The following PLAC8 variants were observed in gnomAD, a reference collection of about 807,000 sequenced individuals.
PLAC8 encodes placenta-specific gene 8 protein.
PLAC8 carries 6 observed loss-of-function variants against 12.6 expected under a neutral mutation model. That is an observed-to-expected ratio of 0.48 (90% CI 0.26 to 0.94). The LOEUF (loss-of-function observed/expected upper bound fraction) is 0.94. PLAC8 is among the 40% of genes least tolerant of loss of function. The pLI, the probability that PLAC8 is intolerant of heterozygous loss-of-function variation, is 0.14. For synonymous variants in PLAC8, 54 were observed against 52.6 expected (o/e 1.03, Z -0.11); for missense variants, 122 against 152.7 (o/e 0.80, Z 1.06).
At chr4:83,099,600 G>A (rs1004026467) in intron 3 of PLAC8, among the ~76,000 whole-genome samples, 1 of 152,130 alleles carries the variant, frequency 6.6e-6, no homozygotes, top group African/African-American at 2.4e-5. Context: ...CCCAATGTTG[G>A]AGGTGGGGCC....
At chr4:83,112,336 A>T (rs1436590156) in intron 1 of PLAC8, among the ~76,000 whole-genome samples, 1 of 151,986 alleles carries the variant, frequency 6.6e-6, no homozygotes, top group Non-Finnish European at 1.5e-5. Flanking sequence ...TTAGCCCAAC[A>T]GTCAACATTG....
rs573239331 is a variant in PLAC8 at position 83,112,787 on chromosome 4, T to G, written c.-30+1879A>C. On this transcript the variant is annotated intron_variant, in intron 1 of 4. Coordinates refer to ENST00000311507, the MANE Select transcript of PLAC8 (RefSeq NM_016619.3). Reference sequence around the variant, plus strand: ...GCAACAAATGTAAAACAGAAACAAATGTAAAATTGTTGCTTGTTCAAACAA... The same window carrying G: ...GCAACAAATGTAAAACAGAAACAAAGGTAAAATTGTTGCTTGTTCAAACAA... 8.9e-4 allele frequency among the ~76,000 whole-genome samples: 136 copies of G among 152,360 alleles called. 1 individual carries two copies. Among genetic ancestry groups the G allele is most frequent in the African/African-American group, 3.2e-3 (133 of 41,588 alleles).
At chr4:83,103,168 G>T (rs181453740) in intron 3 of PLAC8, among the ~76,000 whole-genome samples, 2 of 151,624 alleles carry the variant, frequency 1.3e-5, no homozygotes, top group Non-Finnish European at 2.9e-5. Flanking sequence ...AGGCCGAGGC[G>T]GGCGGATCAC....
intron 1 of PLAC8, among the ~76,000 whole-genome samples, chr4:83,114,308 C>T (rs756967084): frequency 5.9e-5 from 9 of 151,792 alleles, no homozygotes; most frequent in East Asian, 5.8e-4. Flanking sequence ...GAAATTAGAC[C>T]GGCATAAGTC....
chr4:83,094,757 CA>C lies in PLAC8; in HGVS notation c.277del (p.Cys93AlafsTer26). On this transcript the variant is annotated frameshift_variant, in exon 4 of 5. Coordinates refer to ENST00000311507, the MANE Select transcript of PLAC8 (RefSeq NM_016619.3). LOFTEE classifies it high-confidence loss of function. ...SICDDYMATL[C>X]CPHCTLCQIK... is the part of the protein sequence containing the mutation. ...TTGGCAAAGAGTACAATGAGGACAG[CA>C]AAGAGTTGCCATATAGTCATCACAA... The C allele has an allele frequency of 6.2e-7, 1 of 1,604,066 alleles. No individual in the cohort carries two copies. Among genetic ancestry groups the C allele is most frequent in the Non-Finnish European group, 8.5e-7 (1 of 1,176,764 alleles).
At position 83,104,912 on chromosome 4, in the gene PLAC8, G is replaced by A. The variant is rs1199529814; in HGVS notation, c.227C>T (p.Thr76Ile). 1 of 1,613,916 alleles carries A rather than the reference G, an allele frequency of 6.2e-7. No homozygotes were observed. Among genetic ancestry groups the A allele is most frequent in the Non-Finnish European group, 8.5e-7 (1 of 1,179,942 alleles). The change falls in exon 3 of 5, where the codon ACC (threonine) becomes ATC (isoleucine). Residue 76 changes from threonine to isoleucine, a missense_variant. Physicochemically the swap from Thr to Ile is moderately conservative, Grantham distance 89 (BLOSUM62 -1). Transcript: ENST00000311507. ...TSVAMRTLYR[T>I]RYGIPGSICD... ...GAGACTCACAGGGATGCCATATCGG[G>A]TCCTGTAGAGAGTCCTCATTGCGAC...
At chr4:83,108,352 G>GGAGGCC (rs1217183190) in intron 1 of PLAC8, among the ~76,000 whole-genome samples, 3 of 152,170 alleles carry the variant, frequency 2.0e-5, no homozygotes, top group Non-Finnish European at 4.4e-5. Flanking sequence ...CGGCACTTTG[G>GGAGGCC]GAGGCCGAGG....
intron 3 of PLAC8, 24 bp from the exon 4 acceptor site, chr4:83,094,815 A>G (rs758658635): frequency 2.2e-6 from 3 of 1,390,202 alleles, no homozygotes; most frequent in African/African-American, 2.9e-5. Flanking sequence ...AAAAAGAAAT[A>G]AAAATATAAA....
chr4:83,107,981 T>G, intron 1 of PLAC8, 31 bp from the exon 2 acceptor site: 2 of 127,862 alleles, frequency 1.6e-5, no homozygotes, highest in Non-Finnish European at 3.1e-5. Context: ...TAGAAATCTC[T>G]GTTGTGGGGT....
At position 83,090,668 on chromosome 4, in the gene PLAC8, G is replaced by A. The variant is rs1731788682; in HGVS notation, c.*313C>T. 1.3e-5 allele frequency: 2 copies of A among 151,202 alleles called. No homozygotes were observed. Among genetic ancestry groups the A allele is most frequent in the Admixed American group, 1.3e-4 (2 of 15,198 alleles). The allele number at this position is 151,202 out of a possible 1,614,324, so 9.4% of individuals were successfully genotyped here. A position where few individuals can be genotyped will look rare whatever the true frequency, so the allele number is the denominator to read the frequency against. On this transcript the variant is annotated 3_prime_UTR_variant, in exon 5 of 5. Coordinates refer to ENST00000311507, the MANE Select transcript of PLAC8 (RefSeq NM_016619.3). The stretch of plus-strand genomic sequence containing the variant: ...TAGTGAAAAAGACATTTTAAGGAGA[G>A]CAAAGAAGCATGAAGAATCTTATCA...
At chr4:83,107,210 C>CAAAAAAAAAAACAAAAAAAAAA (rs1732265501) in intron 2 of PLAC8, among the ~76,000 whole-genome samples, 1 of 108,422 alleles carries the variant, frequency 9.2e-6, no homozygotes, top group African/African-American at 3.9e-5. Context: ...CAAAAACAAA[C>CAAAAAAAAAAACAAAAAAAAAA]AAAAAAAAAA....
At position 83,095,893 on chromosome 4, in the gene PLAC8, G is replaced by A. The variant is rs17006482; in HGVS notation, c.244-1102C>T. 8.8e-3 allele frequency among the ~76,000 whole-genome samples: 1,343 copies of A among 152,284 alleles called. 24 individuals carry two copies. The highest frequency in any genetic ancestry group is 0.03 in the African/African-American group (1,258 of 41,556). On this transcript the variant is annotated intron_variant, in intron 3 of 4. Coordinates refer to ENST00000311507, the MANE Select transcript of PLAC8 (RefSeq NM_016619.3). Reference sequence around the variant, plus strand: ...GGCATTTACATTCCTGGCATTTAATGGACTTGAAACTGAACACAGTCACGG... The same window carrying A: ...GGCATTTACATTCCTGGCATTTAATAGACTTGAAACTGAACACAGTCACGG...
intron 1 of PLAC8, among the ~76,000 whole-genome samples, chr4:83,113,184 G>C (rs781097586): frequency 6.6e-6 from 1 of 152,202 alleles, no homozygotes; most frequent in Non-Finnish European, 1.5e-5. Flanking sequence ...ATAGGCTTTT[G>C]TCCTATGAAC....
At chr4:83,111,512 C>A (rs926185399) in intron 1 of PLAC8, among the ~76,000 whole-genome samples, 6 of 151,904 alleles carry the variant, frequency 3.9e-5, no homozygotes, top group African/African-American at 1.5e-4. Flanking sequence ...AAGGAGGGGG[C>A]AAGTCATACA....
chr4:83,109,930 A>AT (rs1041625800), intron 1 of PLAC8: 52 of 152,324 alleles, frequency 3.4e-4, no homozygotes, highest in African/African-American at 1.2e-3. Context: ...GAGACCGCCC[A>AT]TTTTTGCTGG....
intron 1 of PLAC8, among the ~76,000 whole-genome samples, chr4:83,113,239 T>G (rs1476428965): frequency 1.3e-5 from 2 of 152,198 alleles, no homozygotes; most frequent in African/African-American, 4.8e-5. Flanking sequence ...GGTGAGCACG[T>G]AGCTGCTTCG....
chr4:83,106,193 G>A (rs1245920139), intron 2 of PLAC8, among the ~76,000 whole-genome samples: 1 of 151,746 alleles, frequency 6.6e-6, no homozygotes, highest in Admixed American at 6.6e-5. Context: ...TAGAGATGGG[G>A]TTTCACCATC....
At chr4:83,110,593 TC>T (rs1732402414) in intron 1 of PLAC8, among the ~76,000 whole-genome samples, 1 of 152,142 alleles carries the variant, frequency 6.6e-6, no homozygotes, top group African/African-American at 2.4e-5. Context: ...GCCACCACGC[TC>T]TCCGCTTCCG....
At chr4:83,109,650 C>T (rs1165209273) in intron 1 of PLAC8, 1 of 142,802 alleles carries the variant, frequency 7.0e-6, no homozygotes, top group Non-Finnish European at 1.5e-5. Context: ...GAGAGCCCGC[C>T]TGGCTCTTCC....
Sources: allele counts gnomAD v4.1 joint callset (sites outside exome capture counted in the v4.1 genomes callset), GRCh38; gene constraint gnomAD v4.1.1; transcripts MANE v1.5; gene names NCBI Gene and HGNC (gene_info 2026-07-23, HGNC 2026-07-21).